Variants in CADPS2 observed in about 807,000 individuals in gnomAD.
The protein encoded by CADPS2 is calcium-dependent secretion activator 2.
Under a neutral mutation model 172.5 loss-of-function variants are expected in CADPS2, and 93 were observed. The ratio of observed to expected loss-of-function variants is 0.54; its 90% CI spans 0.46 to 0.64. The LOEUF is 0.64. Among genes scored for constraint, CADPS2 ranks in the 30% least tolerant of loss-of-function variants. The probability of loss-of-function intolerance (pLI) is 0.00; values close to 1 mark genes in which losing one functional copy is unlikely to be tolerated. For synonymous variants in CADPS2, 546 were observed against 555.2 expected (o/e 0.98, Z 0.23); for missense variants, 1,420 against 1,565.9 (o/e 0.91, Z 1.57).
intron 1 of CADPS2, among the ~76,000 whole-genome samples, chr7:122,862,838 TAATAA>T (rs1451615741): frequency 1.3e-5 from 2 of 151,992 alleles, no homozygotes; most frequent in South Asian, 4.2e-4. Flanking sequence ...GGAATAGAAA[TAATAA>T]AATAACTGAA....
intron 1 of CADPS2, among the ~76,000 whole-genome samples, chr7:122,757,038 C>T (rs1430860319): frequency 6.6e-6 from 1 of 152,190 alleles, no homozygotes. Context: ...AGTGTGAGTG[C>T]TACTTCCTGA....
At position 122,705,968 on chromosome 7, in the gene CADPS2, TAATA is replaced by T. The variant is rs1564126082; in HGVS notation, c.453+30983_453+30986del. On this transcript the variant is annotated intron_variant, in intron 2 of 29. Coordinates refer to ENST00000449022, the MANE Select transcript of CADPS2 (RefSeq NM_017954.11). The stretch of plus-strand genomic sequence containing the variant: ...TATAATATATAATATATATATAATA[TAATA>T]TAATATATAATATTATATATTATAT... Among the ~76,000 whole-genome samples, 2 of 50,072 alleles carry T rather than the reference TAATA, an allele frequency of 4.0e-5. 1 individual carries two copies. The highest frequency in any genetic ancestry group is 1.5e-4 in the African/African-American group (2 of 13,018). The allele number at this position is 50,072 out of a possible 152,430, so 32.8% of individuals were successfully genotyped here.
intron 3 of CADPS2, among the ~76,000 whole-genome samples, chr7:122,662,920 A>G (rs1303523267): frequency 2.6e-5 from 4 of 152,278 alleles, no homozygotes; most frequent in African/African-American, 7.2e-5. Flanking sequence ...GCTTCTTCAG[A>G]TAGGAGATGA....
intron 1 of CADPS2, among the ~76,000 whole-genome samples, chr7:122,743,820 T>C (rs1562916999): frequency 6.6e-6 from 1 of 152,142 alleles, no homozygotes; most frequent in Non-Finnish European, 1.5e-5. Flanking sequence ...ATCAAACCAC[T>C]GAAGCAAAAT....
At chr7:122,627,400 G>T (rs536257131) in intron 4 of CADPS2, among the ~76,000 whole-genome samples, 1 of 152,274 alleles carries the variant, frequency 6.6e-6, no homozygotes, top group African/African-American at 2.4e-5. Flanking sequence ...TTCATCAAAA[G>T]GTATCCTATT....
intron 1 of CADPS2, among the ~76,000 whole-genome samples, chr7:122,810,936 T>C (rs1799889082): frequency 1.3e-5 from 2 of 152,212 alleles, no homozygotes; most frequent in Non-Finnish European, 2.9e-5. Context: ...TTTGTATCCA[T>C]CTTGCCTCCT....
chr7:122,541,476 G>A (rs1380087280), intron 8 of CADPS2, among the ~76,000 whole-genome samples: 1 of 148,192 alleles, frequency 6.7e-6, no homozygotes, highest in Admixed American at 6.8e-5. Flanking sequence ...AAAGTGCTGG[G>A]ATTACAGGCA....
Position 122,645,681 on chromosome 7 carries a change from A to ATCTC in CADPS2, c.787-16354_787-16353insGAGA, listed in dbSNP as rs1554688696. Among the ~76,000 whole-genome samples the ATCTC allele has an allele frequency of 2.0e-3, 230 of 116,758 alleles. 3 individuals carry two copies. Among genetic ancestry groups the ATCTC allele is most frequent in the South Asian group, 0.01 (33 of 3,144 alleles). 76.6% of individuals were successfully genotyped at this position (116,758 alleles called of 152,430 possible). ...AAGATATATATATATATATATATAT[A>ATCTC]TCTTGGGATTTTGCTCTTAGTTAGA... On this transcript the variant is annotated intron_variant, in intron 3 of 29. Transcript: ENST00000449022.
At chr7:122,564,299 CTTAT>C (rs766974397) in intron 7 of CADPS2, among the ~76,000 whole-genome samples, 3 of 151,896 alleles carry the variant, frequency 2.0e-5, no homozygotes, top group Admixed American at 6.6e-5. Context: ...ATGGAAATTT[CTTAT>C]TTATTTATTT....
chr7:122,595,615 C>T (rs2071648499), intron 6 of CADPS2, among the ~76,000 whole-genome samples: 1 of 151,992 alleles, frequency 6.6e-6, no homozygotes, highest in African/African-American at 2.4e-5. Flanking sequence ...AGGGGGAATG[C>T]CAGGATGGAC....
intron 17 of CADPS2, among the ~76,000 whole-genome samples, chr7:122,432,761 A>T (rs2050127928): frequency 6.6e-6 from 1 of 151,974 alleles, no homozygotes; most frequent in Admixed American, 6.6e-5. Flanking sequence ...TAGAGGGTAT[A>T]AACTGAGGAA....
chr7:122,724,949 T>C (rs1270007992), intron 2 of CADPS2, among the ~76,000 whole-genome samples: 2 of 152,062 alleles, frequency 1.3e-5, no homozygotes, highest in Non-Finnish European at 2.9e-5. Context: ...AATGAAATAG[T>C]TATAAAATTA....
intron 8 of CADPS2, among the ~76,000 whole-genome samples, chr7:122,535,808 G>C (rs567408872): frequency 2.6e-5 from 4 of 152,154 alleles, no homozygotes; most frequent in African/African-American, 7.2e-5. Context: ...TGTCTCTTGG[G>C]ACCTTTTAAA....
chr7:122,790,676 A>G (rs545861176), intron 1 of CADPS2, among the ~76,000 whole-genome samples: 1 of 152,314 alleles, frequency 6.6e-6, no homozygotes, highest in East Asian at 1.9e-4. Flanking sequence ...GCCTAAATCT[A>G]GTACTCATAG....
rs140633312 is a variant in CADPS2 at position 122,540,462 on chromosome 7, A to G, written c.1475+14088T>C. 3.9e-5 allele frequency among the ~76,000 whole-genome samples: 6 copies of G among 152,234 alleles called. No homozygotes were observed. The East Asian group carries it at 1.2e-3, about 29-fold the overall frequency. Reference sequence around the variant, plus strand: ...TTCTTAACCATAGATCATTTTAACAAAGTCTGTTGTGGGTATGCTCCTCAA... The same window carrying G: ...TTCTTAACCATAGATCATTTTAACAGAGTCTGTTGTGGGTATGCTCCTCAA... On this transcript the variant is annotated intron_variant, in intron 8 of 29. Transcript: ENST00000449022.
chr7:122,481,895 C>A (rs531623060), intron 11 of CADPS2, among the ~76,000 whole-genome samples: 1 of 151,814 alleles, frequency 6.6e-6, no homozygotes, highest in Non-Finnish European at 1.5e-5. Context: ...CCTGTAATCC[C>A]GGCTGCTGAG....
At chr7:122,386,896 T>C in intron 24 of CADPS2, 130 bp downstream of exon 24, 2 of 883,166 alleles carry the variant, frequency 2.3e-6, no homozygotes, top group Non-Finnish European at 1.7e-6. Flanking sequence ...GTTATTATAG[T>C]AAAGATCAAA....
chr7:122,558,096 T>C (rs1043608132), intron 7 of CADPS2, among the ~76,000 whole-genome samples: 1 of 152,352 alleles, frequency 6.6e-6, no homozygotes, highest in East Asian at 1.9e-4. Context: ...TTTTGAATTA[T>C]TGAAATGTAA....
intron 8 of CADPS2, among the ~76,000 whole-genome samples, chr7:122,532,308 A>G (rs925930451): frequency 2.0e-5 from 3 of 152,146 alleles, no homozygotes; most frequent in Non-Finnish European, 2.9e-5. Flanking sequence ...AGGCTCATCT[A>G]TTTATCTATT....
Sources: gnomAD v4.1 joint callset for allele counts (sites outside exome capture counted in the v4.1 genomes callset) on GRCh38, gnomAD v4.1.1 for gene constraint, MANE v1.5 for transcripts, NCBI Gene and HGNC (gene_info 2026-07-23, HGNC 2026-07-21) for gene names.